PACRG: variants seen among roughly 807,000 people sequenced by gnomAD.
The protein encoded by PACRG is parkin coregulated, also known as parkin coregulated gene protein.
A neutral mutation model predicts 29.7 loss-of-function variants in PACRG; 29 were observed. The ratio of observed to expected loss-of-function variants is 0.98; its 90% CI spans 0.73 to 1.33. PACRG has a LOEUF of 1.33. PACRG is among the 40% of genes most tolerant of loss of function. The pLI, the probability that PACRG is intolerant of heterozygous loss-of-function variation, is 0.00. For synonymous variants in PACRG, 116 were observed against 118.7 expected (o/e 0.98, Z 0.15); for missense variants, 279 against 316.2 (o/e 0.88, Z 0.89).
intron 2 of PACRG, among the ~76,000 whole-genome samples, chr6:162,867,583 C>T (rs1792407032): frequency 1.3e-5 from 2 of 152,210 alleles, no homozygotes; most frequent in Admixed American, 6.5e-5. Context: ...GGCCCGCCAT[C>T]TTTGCCTTAT....
intron 2 of PACRG, among the ~76,000 whole-genome samples, chr6:163,031,476 AAAC>A (rs1377662445): frequency 1.3e-5 from 2 of 152,220 alleles, no homozygotes; most frequent in Non-Finnish European, 2.9e-5. Context: ...ACAAACTTAA[AAAC>A]AACTGATGAG....
chr6:163,172,430 C>T (rs1162075205), intron 4 of PACRG, among the ~76,000 whole-genome samples: 2 of 152,196 alleles, frequency 1.3e-5, no homozygotes, highest in Non-Finnish European at 2.9e-5. Context: ...AAAGTTGCCC[C>T]AGAGAAAGCC....
chr6:162,940,895 A>G (rs1329749483), intron 2 of PACRG, among the ~76,000 whole-genome samples: 2 of 152,204 alleles, frequency 1.3e-5, no homozygotes, highest in African/African-American at 4.8e-5. Context: ...AGCACAGGAT[A>G]TAATGAATGT....
intron 2 of PACRG, among the ~76,000 whole-genome samples, chr6:162,902,528 T>A (rs112313593): frequency 6.6e-6 from 1 of 152,242 alleles, no homozygotes; most frequent in Admixed American, 6.5e-5. Flanking sequence ...TTTGTAGTTA[T>A]GCCCAGTGAA....
chr6:163,235,507 C>T (rs1782200808), intron 4 of PACRG, among the ~76,000 whole-genome samples: 1 of 152,164 alleles, frequency 6.6e-6, no homozygotes, highest in Non-Finnish European at 1.5e-5. Context: ...GAAATATCTG[C>T]TTCCAAATTC....
chr6:162,810,341 A>G (rs989925978), intron 1 of PACRG, among the ~76,000 whole-genome samples: 3 of 152,156 alleles, frequency 2.0e-5, no homozygotes, highest in African/African-American at 7.2e-5. Flanking sequence ...GCAAGCTAAA[A>G]CGGAAGCTTT....
chr6:163,120,714 T>C (rs1373189100), intron 4 of PACRG, among the ~76,000 whole-genome samples: 7 of 152,158 alleles, frequency 4.6e-5, no homozygotes, highest in Non-Finnish European at 2.9e-5. Context: ...TGGACTTCTG[T>C]ATAATACTCA....
intron 4 of PACRG, among the ~76,000 whole-genome samples, chr6:163,187,434 T>C (rs2128358454): frequency 6.6e-6 from 1 of 152,262 alleles, no homozygotes; most frequent in East Asian, 1.9e-4. Flanking sequence ...GCAGCACTGC[T>C]GAGAACGCCT....
intron 4 of PACRG, among the ~76,000 whole-genome samples, chr6:163,242,989 G>A (rs1782556666): frequency 6.6e-6 from 1 of 152,196 alleles, no homozygotes; most frequent in African/African-American, 2.4e-5. Flanking sequence ...TTTCCCTACA[G>A]ATACAGTGCC....
chr6:163,095,321 C>G, intron 4 of PACRG: 1 of 985,162 alleles, frequency 1.0e-6, no homozygotes, highest in Middle Eastern at 5.2e-4. Flanking sequence ...TCTCTATGTG[C>G]TCTTCTCTGT....
intron 1 of PACRG, among the ~76,000 whole-genome samples, chr6:162,796,043 A>G (rs1049588669): frequency 1.3e-5 from 2 of 152,128 alleles, no homozygotes; most frequent in Admixed American, 6.5e-5. Flanking sequence ...TCATTCCCCA[A>G]TGTTTTAACC....
In PACRG at chr6:163,274,178, C is replaced by T. The variant is rs181739369; in HGVS notation, c.614-40649C>T. ...TAAATCTCCTAATGCTATCCCTCCC[C>T]GCTCCCTCCACCCCCCAACAGGCCC... is the stretch of plus-strand genomic sequence containing the variant. On this transcript the variant is annotated intron_variant, in intron 4 of 4. Coordinates refer to ENST00000366888, the MANE Select transcript of PACRG (RefSeq NM_001080379.2). Among the ~76,000 whole-genome samples the T allele has an allele frequency of 3.5e-3, 533 of 152,212 alleles. 4 individuals carry two copies. Among genetic ancestry groups the T allele is most frequent in the Non-Finnish European group, 5.7e-3 (390 of 68,006 alleles).
At chr6:163,013,051 T>C (rs1160897221) in intron 2 of PACRG, among the ~76,000 whole-genome samples, 1 of 152,148 alleles carries the variant, frequency 6.6e-6, no homozygotes, top group Non-Finnish European at 1.5e-5. Context: ...AATATTTATA[T>C]TGATAATGTT....
chr6:163,066,207 C>G (rs1394986745), intron 3 of PACRG, among the ~76,000 whole-genome samples: 1 of 152,146 alleles, frequency 6.6e-6, no homozygotes, highest in African/African-American at 2.4e-5. Context: ...AGCAATACAA[C>G]AACAAATAAT....
chr6:163,114,153 G>A (rs1815856571), intron 4 of PACRG, among the ~76,000 whole-genome samples: 2 of 152,276 alleles, frequency 1.3e-5, no homozygotes, highest in South Asian at 4.1e-4. Flanking sequence ...GGGTGGCTGA[G>A]GCACAAGAAT....
chr6:162,849,343 G>A (rs993556008), intron 2 of PACRG, among the ~76,000 whole-genome samples: 3 of 152,186 alleles, frequency 2.0e-5, no homozygotes, highest in Non-Finnish European at 2.9e-5. Flanking sequence ...AACAGGAAAG[G>A]TGAAAGCATC....
chr6:162,972,028 A>G (rs9458699), intron 2 of PACRG, among the ~76,000 whole-genome samples: 109,941 of 152,080 alleles, frequency 0.72, 40,445 homozygotes, highest in African/African-American at 0.86. Context: ...GGTCATGAGC[A>G]CTCTGACCTC....
chr6:163,122,286 T>TACACACACACACACAC (rs57013650), intron 4 of PACRG, among the ~76,000 whole-genome samples: 3,072 of 151,078 alleles, frequency 0.02, 95 homozygotes, highest in African/African-American at 0.065. Context: ...TTAACGCATT[T>TACACACACACACACAC]ACACACACAC....
chr6:162,778,160 G>T (rs1462467295), intron 1 of PACRG, among the ~76,000 whole-genome samples: 2 of 152,132 alleles, frequency 1.3e-5, no homozygotes, highest in Non-Finnish European at 1.5e-5. Flanking sequence ...CACGATGCAC[G>T]GTGGCAGAGC....
Sources: allele counts gnomAD v4.1 joint callset (sites outside exome capture counted in the v4.1 genomes callset), GRCh38; gene constraint gnomAD v4.1.1; transcripts MANE v1.5; gene names NCBI Gene and HGNC (gene_info 2026-07-23, HGNC 2026-07-21).